Variants in SLA observed in about 807,000 individuals in gnomAD.
SLA encodes the protein src-like-adapter.
SLA carries 16 observed loss-of-function variants against 30.3 expected under a neutral mutation model. That is an observed-to-expected ratio of 0.53 (90% CI 0.36 to 0.80). The LOEUF (loss-of-function observed/expected upper bound fraction) is 0.80, where lower values mean the gene tolerates loss of function less well. Among genes scored for constraint, SLA ranks in the 30% least tolerant of loss-of-function variants. SLA has a pLI of 0.01. For synonymous variants in SLA, 143 were observed against 137.8 expected (o/e 1.04, Z -0.26); for missense variants, 310 against 345.2 (o/e 0.90, Z 0.81).
chr8:133,087,897 T>A (rs1167695155), intron 1 of SLA: 1 of 152,182 alleles, frequency 6.6e-6, no homozygotes, highest in Non-Finnish European at 1.5e-5. Context: ...AAAACCTGGG[T>A]CTTAACCTCT....
At chr8:133,059,018 G>T in intron 3 of SLA, 1 of 459,880 alleles carries the variant, frequency 2.2e-6, no homozygotes, top group Middle Eastern at 3.3e-4. Flanking sequence ...CAGTGAGAAG[G>T]CTCCTTTGTG....
intron 7 of SLA, 97 bp from the exon 8 acceptor site, chr8:133,040,227 T>A: frequency 7.4e-7 from 1 of 1,356,418 alleles, no homozygotes; most frequent in Non-Finnish European, 1.0e-6. Context: ...GCTCCCTGGC[T>A]GCTGCCATGG....
intron 2 of SLA, among the ~76,000 whole-genome samples, chr8:133,070,184 T>G (rs181846931): frequency 6.6e-6 from 1 of 152,126 alleles, no homozygotes; most frequent in African/African-American, 2.4e-5. Flanking sequence ...GTGGTGTAAA[T>G]ACTCCCACCA....
intron 2 of SLA, among the ~76,000 whole-genome samples, chr8:133,069,648 C>G (rs1020829438): frequency 6.6e-6 from 1 of 152,104 alleles, no homozygotes; most frequent in Non-Finnish European, 1.5e-5. Context: ...AGGTTTGTTT[C>G]TACTCTCGGC....
chr8:133,100,379 C>A (rs1280936241), intron 1 of SLA, among the ~76,000 whole-genome samples: 1 of 152,206 alleles, frequency 6.6e-6, no homozygotes, highest in Non-Finnish European at 1.5e-5. Flanking sequence ...TGTTGTCTTT[C>A]TTCCCCAACT....
At chr8:133,052,868 A>G (rs1164013564) in intron 3 of SLA, among the ~76,000 whole-genome samples, 1 of 152,190 alleles carries the variant, frequency 6.6e-6, no homozygotes, top group Non-Finnish European at 1.5e-5. Context: ...CCACTCACTG[A>G]GTGGGACGCC....
intron 1 of SLA, among the ~76,000 whole-genome samples, chr8:133,084,748 C>T (rs1846267791): frequency 1.3e-5 from 2 of 152,244 alleles, no homozygotes; most frequent in South Asian, 2.1e-4. Flanking sequence ...CCCCTTAGAG[C>T]GCTCCCCCAC....
intron 1 of SLA, among the ~76,000 whole-genome samples, chr8:133,075,434 T>A (rs1292896378): frequency 1.3e-5 from 2 of 152,192 alleles, no homozygotes; most frequent in African/African-American, 4.8e-5. Context: ...AATGACTTGG[T>A]GCCAATGTGT....
At chr8:133,070,510 A>C (rs1013226664) in intron 2 of SLA, among the ~76,000 whole-genome samples, 2 of 152,224 alleles carry the variant, frequency 1.3e-5, no homozygotes, top group African/African-American at 4.8e-5. Flanking sequence ...ACTGAGTCTC[A>C]GAGAGGCTAA....
intron 1 of SLA, among the ~76,000 whole-genome samples, chr8:133,076,984 A>G (rs1211799159): frequency 2.0e-5 from 3 of 152,128 alleles, no homozygotes; most frequent in Non-Finnish European, 4.4e-5. Context: ...ATATGTGACT[A>G]TCAATTATGG....
In SLA at chr8:133,050,273, C is replaced by CA. The variant is rs1205818921; in HGVS notation, c.162-286_162-285insT. The CA allele has an allele frequency of 1.3e-5, 6 of 454,292 alleles. No homozygotes were observed. In the East Asian group the frequency reaches 2.3e-4, roughly 18 times the overall value. The allele number at this position is 454,292 out of a possible 1,614,324, so 28.1% of individuals were successfully genotyped here. ...AGCTAATGTTCCCAACTGTTGGAGG[C>CA]TTTTTAAAAATAAATGTTTACTATG... On this transcript the variant is annotated intron_variant, in intron 4 of 8. Coordinates refer to ENST00000338087, the MANE Select transcript of SLA (RefSeq NM_001045556.3).
chr8:133,097,749 A>G (rs1848641065), intron 1 of SLA, among the ~76,000 whole-genome samples: 2 of 152,238 alleles, frequency 1.3e-5, no homozygotes, highest in Non-Finnish European at 2.9e-5. Context: ...AATATTATGC[A>G]TTATTACTAT....
intron 1 of SLA, among the ~76,000 whole-genome samples, chr8:133,089,757 G>C (rs1847200804): frequency 1.3e-5 from 2 of 152,072 alleles, no homozygotes; most frequent in Admixed American, 1.3e-4. Flanking sequence ...GATTACTTAG[G>C]ACCCAGCTCC....
At chr8:133,096,308 G>A (rs1848403904) in intron 1 of SLA, 1 of 1,614,192 alleles carries the variant, frequency 6.2e-7, no homozygotes, top group Non-Finnish European at 8.5e-7. Context: ...TTTATGGGTA[G>A]AGGTCGATCT....
intron 5 of SLA, 120 bp from the exon 6 acceptor site, chr8:133,048,053 C>T (rs1020768165): frequency 4.9e-6 from 3 of 610,002 alleles, no homozygotes; most frequent in Admixed American, 2.9e-5. Context: ...CCCACTGAGA[C>T]AGGAAGCATC....
chr8:133,064,967 T>C (rs555260402), intron 2 of SLA, among the ~76,000 whole-genome samples: 98 of 152,354 alleles, frequency 6.4e-4, no homozygotes, highest in African/African-American at 2.2e-3. Flanking sequence ...AGCCAGGAAC[T>C]GAACCCTTGG....
intron 5 of SLA, chr8:133,048,720 G>C (rs766656515): frequency 6.3e-6 from 1 of 159,540 alleles, no homozygotes; most frequent in African/African-American, 2.4e-5. Flanking sequence ...GCTGATGTAG[G>C]AGAGTCACGT....
intron 1 of SLA, among the ~76,000 whole-genome samples, chr8:133,085,770 G>A (rs1184927091): frequency 6.6e-6 from 1 of 152,156 alleles, no homozygotes; most frequent in East Asian, 1.9e-4. Context: ...ATTGCTGGTG[G>A]GAATATAAAA....
intron 1 of SLA, chr8:133,076,094 C>T (rs1354236908): frequency 1.3e-5 from 2 of 152,194 alleles, no homozygotes; most frequent in African/African-American, 2.4e-5. Flanking sequence ...GGAATGCTGA[C>T]CCCAAGATTG....
Sources: allele counts gnomAD v4.1 joint callset (sites outside exome capture counted in the v4.1 genomes callset), GRCh38; gene constraint gnomAD v4.1.1; transcripts MANE v1.5; gene names NCBI Gene and HGNC (gene_info 2026-07-23, HGNC 2026-07-21).